AAK1: variants seen among roughly 807,000 people sequenced by gnomAD.
AAK1 encodes the protein AP2-associated protein kinase 1.
Under a neutral mutation model 116.0 loss-of-function variants are expected in AAK1, and 37 were observed. The observed-to-expected ratio is 0.32, with a 90% CI of 0.25 to 0.42. The LOEUF is 0.42. AAK1 is among the 10% of genes least tolerant of loss of function. The pLI, the probability that AAK1 is intolerant of heterozygous loss-of-function variation, is 1.00. For synonymous variants in AAK1, 458 were observed against 439.9 expected, an observed-to-expected ratio of 1.04 and a Z score of -0.51; for missense variants, 919 against 1,170.6, an observed-to-expected ratio of 0.79 and a Z score of 3.14.
At chr2:69,562,383 T>A (rs1671679167) in intron 2 of AAK1, among the ~76,000 whole-genome samples, 1 of 152,222 alleles carries the variant, frequency 6.6e-6, no homozygotes, top group African/African-American at 2.4e-5. Flanking sequence ...ATAAAAGGTT[T>A]TAATAAGCAT....
chr2:69,580,082 C>A (rs1480455773), intron 2 of AAK1, among the ~76,000 whole-genome samples: 4 of 152,182 alleles, frequency 2.6e-5, no homozygotes, highest in Non-Finnish European at 5.9e-5. Flanking sequence ...AACTAACAAC[C>A]AAATCTTGAT....
At chr2:69,505,458 G>T in intron 16 of AAK1, 111 bp downstream of exon 16, 3 of 649,894 alleles carry the variant, frequency 4.6e-6, no homozygotes, top group Admixed American at 2.9e-5. Context: ...ATATATACAC[G>T]GTACTGCCAG....
chr2:69,619,902 C>T (rs533684734), intron 2 of AAK1, among the ~76,000 whole-genome samples: 2 of 152,238 alleles, frequency 1.3e-5, no homozygotes, highest in South Asian at 2.1e-4. Context: ...AGAGAGGAAA[C>T]GGTGGGGCAG....
At chr2:69,625,476 T>C (rs1674854337) in intron 2 of AAK1, among the ~76,000 whole-genome samples, 1 of 152,176 alleles carries the variant, frequency 6.6e-6, no homozygotes, top group Non-Finnish European at 1.5e-5. Context: ...AATGCATATA[T>C]AAAAATTAAC....
chr2:69,482,684 C>T lies in AAK1; in HGVS notation c.2467+27G>A, dbSNP rs761079686. 3.2e-6 allele frequency: 5 copies of T among 1,547,426 alleles called. No homozygotes were observed. The Admixed American group carries it at 8.4e-5, about 26-fold the overall frequency. On this transcript the variant is annotated intron_variant, in intron 18 of 21. Transcript: ENST00000409085. ...AAACAGGCACACATATCATGCATGA[C>T]TGAAGAAACAGAGATGATGACTTTA...
chr2:69,548,212 G>T (rs140266779), intron 3 of AAK1, among the ~76,000 whole-genome samples: 1 of 152,230 alleles, frequency 6.6e-6, no homozygotes, highest in South Asian at 2.1e-4. Flanking sequence ...TCACTGGACC[G>T]TATGCTTTAA....
Position 69,461,616 on chromosome 2 carries a change from CG to C in AAK1, c.*14252del, listed in dbSNP as rs1674343761. Reference sequence around the variant, plus strand: ...GACAATTTTTTTTTTTTTTTTGAGGCGGAGTTTTGCTCTTCTCGCCCAGGCT... The same window carrying C: ...GACAATTTTTTTTTTTTTTTTGAGGCGAGTTTTGCTCTTCTCGCCCAGGCT... On this transcript the variant is annotated 3_prime_UTR_variant, in exon 22 of 22. Coordinates refer to ENST00000409085, the MANE Select transcript of AAK1 (RefSeq NM_014911.5). 5.2e-6 allele frequency: 2 copies of C among 383,886 alleles called. No individual in the cohort carries two copies. Among genetic ancestry groups the C allele is most frequent in the Non-Finnish European group, 1.0e-5 (2 of 200,240 alleles). The allele number at this position is 383,886 out of a possible 1,614,324, so 23.8% of individuals were successfully genotyped here. A position where few individuals can be genotyped will look rare whatever the true frequency, so the allele number is the denominator to read the frequency against.
In AAK1 at chr2:69,544,436, C is replaced by T; in HGVS notation, c.391G>A (p.Gly131Ser). The T allele has an allele frequency of 6.2e-7, 1 of 1,605,304 alleles. No homozygotes were observed. The highest frequency in any genetic ancestry group is 1.7e-5 in the Admixed American group (1 of 59,988). The change falls in exon 4 of 22, where the codon GGT becomes AGT. Residue 131 changes from glycine (G) to serine (S), a missense_variant and splice_region_variant. Coordinates refer to ENST00000409085, the MANE Select transcript of AAK1 (RefSeq NM_014911.5). ...EVLILMDFCR[G>S]GQVVNLMNQR... ...TTAAGGGAATGGTTCATATACATAC[C>T]TCTACAAAAGTCCATCAGAATGAGC...
intron 17 of AAK1, among the ~76,000 whole-genome samples, chr2:69,492,137 G>A (rs779911848): frequency 2.0e-5 from 3 of 152,060 alleles, no homozygotes; most frequent in Non-Finnish European, 2.9e-5. Flanking sequence ...GTACTTGTAC[G>A]TGAAATCATT....
chr2:69,632,752 A>C (rs770444375), intron 2 of AAK1, among the ~76,000 whole-genome samples: 6 of 150,736 alleles, frequency 4.0e-5, no homozygotes, highest in Non-Finnish European at 7.4e-5. Context: ...CAAAAAAAAA[A>C]GCCGGGCACG....
At chr2:69,552,722 A>G (rs1038806791) in intron 3 of AAK1, among the ~76,000 whole-genome samples, 1 of 151,332 alleles carries the variant, frequency 6.6e-6, no homozygotes, top group Non-Finnish European at 1.5e-5. Context: ...TCAAAAAAGA[A>G]AAAAAAAAAC....
rs1295363884 is a variant in AAK1, at chr2:69,469,566, T to TA, written c.*6302dup. 2.9e-5 allele frequency: 29 copies of TA among 985,306 alleles called. No homozygotes were observed. Among genetic ancestry groups the TA allele is most frequent in the Non-Finnish European group, 3.5e-5 (29 of 829,926 alleles). 61.0% of individuals were successfully genotyped at this position (985,306 alleles called of 1,614,324 possible). A position where few individuals can be genotyped will look rare whatever the true frequency, so the allele number is the denominator to read the frequency against. ...ACATGCCTTGACCCAGTTCCTTTGG[T>TA]AACCAATGGCACGTCATAGCAGATA... On this transcript the variant is annotated 3_prime_UTR_variant, in exon 22 of 22. Coordinates refer to ENST00000409085, the MANE Select transcript of AAK1 (RefSeq NM_014911.5).
intron 2 of AAK1, among the ~76,000 whole-genome samples, chr2:69,636,301 A>C (rs759748936): frequency 6.6e-6 from 1 of 152,224 alleles, no homozygotes; most frequent in African/African-American, 2.4e-5. Context: ...ACATAGTCAC[A>C]CTGCAATGTA....
intron 2 of AAK1, among the ~76,000 whole-genome samples, chr2:69,622,296 C>T (rs1305081669): frequency 6.6e-6 from 1 of 152,230 alleles, no homozygotes; most frequent in Admixed American, 6.5e-5. Context: ...CTGCAGCCCG[C>T]CATGCCTGAG....
At chr2:69,583,932 T>C (rs763334372) in intron 2 of AAK1, among the ~76,000 whole-genome samples, 2 of 152,142 alleles carry the variant, frequency 1.3e-5, no homozygotes, top group Non-Finnish European at 2.9e-5. Flanking sequence ...GGAAAAAAAA[T>C]GTCTTAGTTG....
chr2:69,551,132 T>C (rs1384972572), intron 3 of AAK1, among the ~76,000 whole-genome samples: 1 of 152,160 alleles, frequency 6.6e-6, no homozygotes, highest in Non-Finnish European at 1.5e-5. Flanking sequence ...ACACAAAAGA[T>C]ATAATCAAAG....
chr2:69,554,255 G>C (rs1456930085), intron 3 of AAK1, among the ~76,000 whole-genome samples: 4 of 152,092 alleles, frequency 2.6e-5, no homozygotes, highest in Non-Finnish European at 5.9e-5. Flanking sequence ...AAGACTGAGG[G>C]AGAAATCTTG....
chr2:69,480,906 G>A lies in AAK1; in HGVS notation c.2523C>T (p.Pro841=). ...SLIPGLEPPV[P]QRLPSQTESV... is the part of the protein sequence containing the mutation. ...ATTCCGTCTGAGATGGGAGGCGCTG[G>A]GGAACTGGGGGCTCCAGTCCTGGTA... The change falls in exon 19 of 22, where the codon CCC becomes CCT. Residue 841 remains proline (P), a synonymous_variant. Transcript: ENST00000409085. 1 of 1,607,224 alleles carries A rather than the reference G, an allele frequency of 6.2e-7. No homozygotes were observed. Among genetic ancestry groups the A allele is most frequent in the African/African-American group, 1.3e-5 (1 of 74,938 alleles).
rs906282893 is a variant in AAK1, at chr2:69,556,746, C to T, written c.282+114G>A. 6 of 741,444 alleles carry T rather than the reference C, an allele frequency of 8.1e-6. No homozygotes were observed. In the East Asian group the frequency reaches 1.1e-4, roughly 13 times the overall value. The allele number at this position is 741,444 out of a possible 1,614,324, so 45.9% of individuals were successfully genotyped here. ...CATGGCTGTTGAGTCCCATTTTGTA[C>T]AGAGGCCTCTGTACCATCTCAGGGA... On this transcript the variant is annotated intron_variant, in intron 3 of 21. Coordinates refer to ENST00000409085, the MANE Select transcript of AAK1 (RefSeq NM_014911.5).
Sources: allele counts gnomAD v4.1 joint callset (sites outside exome capture counted in the v4.1 genomes callset), GRCh38; gene constraint gnomAD v4.1.1; transcripts MANE v1.5; gene names NCBI Gene and HGNC (gene_info 2026-07-23, HGNC 2026-07-21).